The following KCNIP1 variants were observed in gnomAD, a reference collection of about 807,000 sequenced individuals.
The protein encoded by KCNIP1 is potassium voltage-gated channel interacting protein 1.
Under a neutral mutation model 33.0 loss-of-function variants are expected in KCNIP1, and 18 were observed. The observed-to-expected ratio is 0.55, with a 90% confidence interval of 0.38 to 0.81. The LOEUF is 0.81. Among genes scored for constraint, KCNIP1 ranks in the 30% least tolerant of loss-of-function variants. The probability of loss-of-function intolerance (pLI) is 0.00; values close to 1 mark genes in which losing one functional copy is unlikely to be tolerated. For missense variants in KCNIP1, 238 were observed against 271.6 expected (o/e 0.88, Z 0.87); for synonymous variants, 93 against 98.3 (o/e 0.95, Z 0.32).
At chr5:170,469,086 C>T (rs10516076) in intron 1 of KCNIP1, among the ~76,000 whole-genome samples, 15,360 of 152,190 alleles carry the variant, frequency 0.1, 1,321 homozygotes, top group East Asian at 0.24. Context: ...ACATTCTGTA[C>T]TGCTTTTGTG....
At chr5:170,440,849 A>T (rs1374835507) in intron 1 of KCNIP1, among the ~76,000 whole-genome samples, 1 of 152,122 alleles carries the variant, frequency 6.6e-6, no homozygotes, top group African/African-American at 2.4e-5. Flanking sequence ...AGTGGAGGGT[A>T]TGTCCTTGGA....
At chr5:170,722,920 G>A (rs1198446468) in intron 5 of KCNIP1, 100 bp downstream of exon 5, 8 of 726,604 alleles carry the variant, frequency 1.1e-5, no homozygotes, top group South Asian at 3.5e-5. Context: ...TCTGAATGAG[G>A]CAGGCTCTGC....
intron 1 of KCNIP1, among the ~76,000 whole-genome samples, 178 bp from the exon 2 acceptor site, chr5:170,718,580 G>A (rs6555913): frequency 0.52 from 79,663 of 152,002 alleles, 21,956 homozygotes; most frequent in Non-Finnish European, 0.59. Context: ...GGTGTTTGAC[G>A]CAGAGGCTGA....
chr5:170,478,333 G>C (rs1210259432), intron 1 of KCNIP1, among the ~76,000 whole-genome samples: 1 of 152,214 alleles, frequency 6.6e-6, no homozygotes, highest in African/African-American at 2.4e-5. Flanking sequence ...TTAGGAAAAG[G>C]ATGCATGTTC....
chr5:170,544,502 A>G (rs1416129038), intron 1 of KCNIP1, among the ~76,000 whole-genome samples: 2 of 152,162 alleles, frequency 1.3e-5, no homozygotes, highest in South Asian at 4.2e-4. Context: ...TCATCATTTT[A>G]GTTCTATCTT....
chr5:170,391,585 C>T (rs535902809), intron 1 of KCNIP1, among the ~76,000 whole-genome samples: 10 of 152,266 alleles, frequency 6.6e-5, no homozygotes, highest in East Asian at 5.8e-4. Context: ...TGCATTAGTA[C>T]GGGGTGTCAG....
intron 1 of KCNIP1, among the ~76,000 whole-genome samples, chr5:170,689,185 C>T (rs1762638447): frequency 6.6e-6 from 1 of 152,166 alleles, no homozygotes; most frequent in Non-Finnish European, 1.5e-5. Flanking sequence ...TTCATTCATT[C>T]ATTCGTTCAT....
chr5:170,415,695 T>C (rs1284369681), intron 1 of KCNIP1, among the ~76,000 whole-genome samples: 1 of 152,174 alleles, frequency 6.6e-6, no homozygotes, highest in African/African-American at 2.4e-5. Flanking sequence ...TCTCTCTCGT[T>C]TGCTGTCTGC....
intron 1 of KCNIP1, among the ~76,000 whole-genome samples, chr5:170,670,695 C>G (rs1368730333): frequency 6.6e-6 from 1 of 152,138 alleles, no homozygotes. Flanking sequence ...GAGTTCAAGA[C>G]CACCCTGGGC....
chr5:170,446,021 C>T lies in KCNIP1; in HGVS notation c.88+92057C>T, dbSNP rs139273226. Among the ~76,000 whole-genome samples, 82 of 152,292 alleles carry T rather than the reference C, an allele frequency of 5.4e-4. No individual in the cohort carries two copies. The East Asian group carries it at 0.012, about 23-fold the overall frequency. ...GTCCTTCATAAGCATGCAGCCTGAC[C>T]TGGAGAAACTGACAGTGTAAAATGC... On this transcript the variant is annotated intron_variant, in intron 1 of 7. Coordinates refer to the KCNIP1 transcript ENST00000377360.
chr5:170,371,533 T>C (rs565927881), intron 1 of KCNIP1, among the ~76,000 whole-genome samples: 2 of 152,314 alleles, frequency 1.3e-5, no homozygotes, highest in South Asian at 4.1e-4. Flanking sequence ...AGATTTGAAT[T>C]CCAGCTCTGC....
intron 1 of KCNIP1, among the ~76,000 whole-genome samples, chr5:170,564,585 C>T (rs1489797961): frequency 6.6e-6 from 1 of 152,140 alleles, no homozygotes; most frequent in Non-Finnish European, 1.5e-5. Flanking sequence ...AGGGATGTGG[C>T]CCGTGATCTA....
chr5:170,462,136 T>A (rs1756515334), intron 1 of KCNIP1, among the ~76,000 whole-genome samples: 1 of 151,374 alleles, frequency 6.6e-6, no homozygotes, highest in Non-Finnish European at 1.5e-5. Flanking sequence ...ACTAAAGAGC[T>A]TTTGCACAGC....
At chr5:170,637,027 G>A (rs1034511764) in intron 1 of KCNIP1, among the ~76,000 whole-genome samples, 9 of 151,456 alleles carry the variant, frequency 5.9e-5, no homozygotes, top group South Asian at 4.3e-4. Context: ...CCAACAGGAC[G>A]GTGGTCAGAG....
At chr5:170,702,439 C>T (rs752989041) in intron 1 of KCNIP1, among the ~76,000 whole-genome samples, 30 of 152,174 alleles carry the variant, frequency 2.0e-4, no homozygotes, top group Non-Finnish European at 4.0e-4. Flanking sequence ...AGAGTGGAGG[C>T]TGCTTTGATG....
chr5:170,368,248 T>TTTG (rs1763749753), intron 1 of KCNIP1, among the ~76,000 whole-genome samples: 1 of 151,442 alleles, frequency 6.6e-6, no homozygotes, highest in African/African-American at 2.4e-5. Context: ...TTTTTAAAGT[T>TTTG]TTTGTTTGTT....
At chr5:170,573,274 G>A (rs776852822) in intron 1 of KCNIP1, among the ~76,000 whole-genome samples, 2 of 152,178 alleles carry the variant, frequency 1.3e-5, no homozygotes, top group South Asian at 2.1e-4. Context: ...TGGGAAAGGT[G>A]ATGCTCTGGC....
intron 1 of KCNIP1, among the ~76,000 whole-genome samples, chr5:170,438,352 C>T (rs943055586): frequency 1.3e-5 from 2 of 152,194 alleles, no homozygotes; most frequent in Non-Finnish European, 2.9e-5. Context: ...GAAAATACCT[C>T]GTGTGGGGAC....
chr5:170,374,140 T>C (rs1763923982), intron 1 of KCNIP1, among the ~76,000 whole-genome samples: 1 of 152,226 alleles, frequency 6.6e-6, no homozygotes, highest in African/African-American at 2.4e-5. Context: ...GAGTTTAAGA[T>C]AAATTTTGGA....
Sources: allele counts gnomAD v4.1 joint callset (sites outside exome capture counted in the v4.1 genomes callset), GRCh38; gene constraint gnomAD v4.1.1; transcripts MANE v1.5; gene names NCBI Gene and HGNC (gene_info 2026-07-23, HGNC 2026-07-21).